The following PKHD1 variants were observed in gnomAD, a reference collection of about 807,000 sequenced individuals.
PKHD1 encodes fibrocystin.
In PKHD1, 291 loss-of-function variants were observed where a neutral mutation model predicts 412.0. The observed-to-expected ratio is 0.71, with a 90% CI of 0.64 to 0.78. The LOEUF is 0.78. PKHD1 is among the 30% of genes least tolerant of loss of function. The pLI is 0.00. For missense variants in PKHD1, 4,825 were observed against 4,950.7 expected (o/e 0.97, Z 0.76); for synonymous variants, 1,777 against 1,821.5 (o/e 0.98, Z 0.62).
chr6:51,708,576 C>T (rs1001446863), intron 60 of PKHD1, among the ~76,000 whole-genome samples: 2 of 152,174 alleles, frequency 1.3e-5, no homozygotes, highest in Non-Finnish European at 2.9e-5. Context: ...GTTCCAATAT[C>T]ATCTTGGTCC....
Position 52,025,014 on chromosome 6 carries a change from C to T in PKHD1, c.4796G>A (p.Arg1599Lys). Residue 1599 changes from arginine (R) to lysine (K), a missense_variant, in exon 32 of 67, where the codon AGA (arginine) becomes AAA (lysine). Coordinates refer to ENST00000371117, the MANE Select transcript of PKHD1 (RefSeq NM_138694.4). Reference sequence around the variant, plus strand: ...ATAGACTGACGTGGTGTTCTGTCCTCTCAGGCCTGTGCCCTCTATGGTCAA... The same window carrying T: ...ATAGACTGACGTGGTGTTCTGTCCTTTCAGGCCTGTGCCCTCTATGGTCAA... ...SLLTIEGTGL[R>K]GQNTTSVYID... is the part of the protein sequence containing the mutation. 6.2e-7 allele frequency: 1 copy of T among 1,614,174 alleles called. No individual in the cohort carries two copies. Among genetic ancestry groups the T allele is most frequent in the Non-Finnish European group, 8.5e-7 (1 of 1,180,034 alleles).
chr6:52,073,647 G>A, intron 6 of PKHD1, 106 bp from the exon 7 acceptor site: 2 of 738,046 alleles, frequency 2.7e-6, no homozygotes, highest in South Asian at 1.5e-5. Context: ...TGGCAAAGCA[G>A]GTCATGGCCC....
chr6:52,053,241 C>A lies in PKHD1; in HGVS notation c.1975G>T (p.Asp659Tyr), dbSNP rs149147435. Residue 659 changes from aspartate to tyrosine, a missense_variant, in exon 21 of 67, where the codon GAT becomes TAT. Physicochemically the swap from Asp to Tyr is radical, Grantham distance 160. Transcript: ENST00000371117. Reference sequence around the variant, plus strand: ...CAAGTCTCCCAGAGGTCAGTGCAATCGAACTGCCAGCTGAAAAACAGCATG... The same window carrying A: ...CAAGTCTCCCAGAGGTCAGTGCAATAGAACTGCCAGCTGAAAAACAGCATG... Reference protein sequence around the residue: ...TRTSPESWQFDCTDLWETCVR... With the variant: ...TRTSPESWQFYCTDLWETCVR... The A allele has an allele frequency of 1.2e-6, 2 of 1,614,118 alleles. No individual in the cohort carries two copies. The highest frequency in any genetic ancestry group is 1.3e-5 in the African/African-American group (1 of 75,050).
intron 51 of PKHD1, among the ~76,000 whole-genome samples, chr6:51,832,218 C>A (rs772987857): frequency 6.6e-6 from 1 of 151,882 alleles, no homozygotes. Flanking sequence ...TACCTGATCA[C>A]GAAAGGAAGC....
intron 27 of PKHD1, among the ~76,000 whole-genome samples, chr6:52,038,010 C>A (rs1804210281): frequency 6.6e-6 from 1 of 152,060 alleles, no homozygotes; most frequent in Non-Finnish European, 1.5e-5. Context: ...GGGATCTTAG[C>A]AGATGTAATT....
At position 52,005,210 on chromosome 6, in the gene PKHD1, C is replaced by T. The variant is rs555562910; in HGVS notation, c.5751+5099G>A. 3.9e-5 allele frequency among the ~76,000 whole-genome samples: 6 copies of T among 152,326 alleles called. No homozygotes were observed. In the South Asian group the frequency reaches 1.2e-3, roughly 32 times the overall value. ...CCATTTCCCTGCCCCAGTTATCTCT[C>T]ACCTAGCTGAGATGCTTCTACCTCT... On this transcript the variant is annotated intron_variant, in intron 35 of 66. Coordinates refer to ENST00000371117, the MANE Select transcript of PKHD1 (RefSeq NM_138694.4).
At position 51,659,852 on chromosome 6, in the gene PKHD1, T is replaced by A; in HGVS notation, c.10274A>T (p.Gln3425Leu). 6.2e-7 allele frequency: 1 copy of A among 1,613,836 alleles called. No individual in the cohort carries two copies. The highest frequency in any genetic ancestry group is 8.5e-7 in the Non-Finnish European group (1 of 1,179,850). The change falls in exon 61 of 67, where the codon CAG becomes CTG. Residue 3425 changes from glutamine to leucine, a missense_variant. Coordinates refer to ENST00000371117, the MANE Select transcript of PKHD1 (RefSeq NM_138694.4). ...CACAGATACAACTGGATATAACTTC[T>A]GAATTGCCCAAATGGCATCAGCGCT... ...LDSADAIWAI[Q>L]KLYPVVSVTS...
intron 36 of PKHD1, among the ~76,000 whole-genome samples, chr6:51,934,634 T>G (rs1404868090): frequency 7.5e-6 from 1 of 134,200 alleles, no homozygotes; most frequent in Non-Finnish European, 1.6e-5. Context: ...ACTTTACCAT[T>G]TAACAATAGA....
At chr6:51,625,840 G>A (rs936211565) in intron 66 of PKHD1, among the ~76,000 whole-genome samples, 1 of 152,014 alleles carries the variant, frequency 6.6e-6, no homozygotes, top group African/African-American at 2.4e-5. Context: ...GCAATAATAT[G>A]GTCAAGAGGC....
chr6:51,869,314 TA>T (rs1775590756), intron 47 of PKHD1, among the ~76,000 whole-genome samples: 1 of 152,128 alleles, frequency 6.6e-6, no homozygotes, highest in South Asian at 2.1e-4. Context: ...TTCACCTTCC[TA>T]AACCCTACTC....
intron 35 of PKHD1, among the ~76,000 whole-genome samples, chr6:51,969,482 G>A (rs1114348): frequency 0.38 from 57,868 of 151,912 alleles, 12,820 homozygotes; most frequent in Admixed American, 0.52. Flanking sequence ...GTAAAGTCCG[G>A]GCTTTTAGTG....
intron 60 of PKHD1, among the ~76,000 whole-genome samples, chr6:51,686,580 T>C (rs532348668): frequency 6.6e-6 from 1 of 152,290 alleles, no homozygotes; most frequent in African/African-American, 2.4e-5. Context: ...CTTTTGTCTA[T>C]AGCACTTATA....
At chr6:51,989,454 G>A (rs974131484) in intron 35 of PKHD1, among the ~76,000 whole-genome samples, 60 of 152,180 alleles carry the variant, frequency 3.9e-4, no homozygotes, top group African/African-American at 1.4e-3. Flanking sequence ...AAACAACTAT[G>A]CATGCAGGCA....
chr6:51,714,029 C>T (rs891067264), intron 60 of PKHD1, among the ~76,000 whole-genome samples: 2 of 152,138 alleles, frequency 1.3e-5, no homozygotes, highest in African/African-American at 2.4e-5. Flanking sequence ...AGGGCAAGCA[C>T]TATGCTCTTC....
chr6:51,736,070 T>C (rs1421652485), intron 60 of PKHD1, among the ~76,000 whole-genome samples: 2 of 152,124 alleles, frequency 1.3e-5, no homozygotes, highest in Admixed American at 6.5e-5. Context: ...TCTCTTAGAG[T>C]AGAACCCGTT....
chr6:51,937,176 T>A (rs550156105), intron 36 of PKHD1, among the ~76,000 whole-genome samples: 2 of 152,330 alleles, frequency 1.3e-5, no homozygotes, highest in East Asian at 3.9e-4. Flanking sequence ...AAGTTAACTC[T>A]TTCAACCAAT....
chr6:52,084,760 C>T, intron 2 of PKHD1, 122 bp downstream of exon 2: 1 of 765,550 alleles, frequency 1.3e-6, no homozygotes, highest in Admixed American at 1.8e-5. Flanking sequence ...TTTTGATTGG[C>T]AAGTTAAAAA....
intron 39 of PKHD1, among the ~76,000 whole-genome samples, chr6:51,910,944 G>T (rs1478273813): frequency 6.6e-6 from 1 of 152,062 alleles, no homozygotes; most frequent in African/African-American, 2.4e-5. Flanking sequence ...TTTAACTCCA[G>T]CTCCCTTTGA....
chr6:51,711,885 T>C (rs893327731), intron 60 of PKHD1, among the ~76,000 whole-genome samples: 17 of 152,344 alleles, frequency 1.1e-4, no homozygotes, highest in Admixed American at 8.5e-4. Flanking sequence ...CCTACCCCTT[T>C]CACAATGGTT....
Sources: allele counts gnomAD v4.1 joint callset (sites outside exome capture counted in the v4.1 genomes callset), GRCh38; gene constraint gnomAD v4.1.1; transcripts MANE v1.5; gene names NCBI Gene and HGNC (gene_info 2026-07-23, HGNC 2026-07-21).